Variants in NCAM2 observed in about 807,000 individuals in gnomAD.
The protein encoded by NCAM2 is N-CAM-2.
In NCAM2, 30 loss-of-function variants were observed where a neutral mutation model predicts 98.1. The ratio of observed to expected loss-of-function variants is 0.31; its 90% CI spans 0.23 to 0.41. The LOEUF (loss-of-function observed/expected upper bound fraction) is 0.41. Ranked by LOEUF, NCAM2 falls within the 10% of genes least tolerant of loss-of-function variation. NCAM2 has a pLI of 1.00. For synonymous variants in NCAM2, 368 were observed against 342.4 expected (o/e 1.07, Z -0.83); for missense variants, 867 against 1,005.8 (o/e 0.86, Z 1.87).
intron 11 of NCAM2, among the ~76,000 whole-genome samples, chr21:21,424,619 G>A (rs781142114): frequency 2.1e-4 from 32 of 152,106 alleles, no homozygotes; most frequent in Non-Finnish European, 3.2e-4. Context: ...CTGAAAGGAT[G>A]GGACTGTTAA....
chr21:21,466,871 C>A (rs928949266), intron 13 of NCAM2, 146 bp downstream of exon 13: 5 of 872,988 alleles, frequency 5.7e-6, no homozygotes, highest in Non-Finnish European at 8.5e-6. Flanking sequence ...ACAGTGACAT[C>A]TGAGATTTAT....
At chr21:21,153,905 T>C (rs76453151) in intron 1 of NCAM2, among the ~76,000 whole-genome samples, 7,611 of 151,870 alleles carry the variant, frequency 0.05, 659 homozygotes, top group African/African-American at 0.17. Context: ...GACAGCCAAA[T>C]AAAGTGTGGG....
chr21:21,251,980 T>C lies in NCAM2; in HGVS notation c.56-28598T>C, dbSNP rs140065789. 3.7e-4 allele frequency among the ~76,000 whole-genome samples: 57 copies of C among 152,294 alleles called. No homozygotes were observed. The East Asian group carries it at 0.011, about 29-fold the overall frequency. ...TAATCATGAAGTCATTGCCTATGCC[T>C]ATGTCCTGAATAATATCACCTAGGT... On this transcript the variant is annotated intron_variant, in intron 1 of 17. Transcript: ENST00000400546.
chr21:21,028,495 T>C (rs993143655), intron 1 of NCAM2, among the ~76,000 whole-genome samples: 14 of 152,232 alleles, frequency 9.2e-5, no homozygotes, highest in African/African-American at 3.4e-4. Context: ...TTGGATCATA[T>C]GTGAGGTCAC....
chr21:21,382,182 T>G (rs1431534167), intron 9 of NCAM2, among the ~76,000 whole-genome samples: 1 of 152,150 alleles, frequency 6.6e-6, no homozygotes, highest in Non-Finnish European at 1.5e-5. Context: ...TTTCTTTGAA[T>G]TTTCTTATTT....
chr21:21,111,025 T>C (rs2066444163), intron 1 of NCAM2, among the ~76,000 whole-genome samples: 1 of 152,134 alleles, frequency 6.6e-6, no homozygotes, highest in Non-Finnish European at 1.5e-5. Context: ...AGTATATTTG[T>C]TGTGTACTAT....
intron 1 of NCAM2, among the ~76,000 whole-genome samples, chr21:21,034,065 A>G (rs909878035): frequency 6.6e-6 from 1 of 151,830 alleles, no homozygotes; most frequent in Non-Finnish European, 1.5e-5. Context: ...GGGGGGGGAA[A>G]CAAAGATTGA....
intron 1 of NCAM2, among the ~76,000 whole-genome samples, chr21:20,999,566 G>A (rs1182117047): frequency 1.3e-5 from 2 of 152,090 alleles, no homozygotes; most frequent in Non-Finnish European, 2.9e-5. Flanking sequence ...AACATGCATT[G>A]GTGAAAGTCT....
At chr21:21,052,150 A>ATTTTTTTTTTTTTTTTTTTTTTTTTTT (rs5842877) in intron 1 of NCAM2, among the ~76,000 whole-genome samples, 7 of 74,808 alleles carry the variant, frequency 9.4e-5, no homozygotes, top group African/African-American at 4.1e-4. Flanking sequence ...CATGATGGCC[A>ATTTTTTTTTTTTTTTTTTTTTTTTTTT]TTTTTTTTTT....
At chr21:21,296,893 G>A (rs924708084) in intron 5 of NCAM2, among the ~76,000 whole-genome samples, 2 of 151,646 alleles carry the variant, frequency 1.3e-5, no homozygotes, top group African/African-American at 2.4e-5. Flanking sequence ...ACAAAAATAA[G>A]TGTGCTGAAT....
Position 21,543,070 on chromosome 21 carries a change from C to T in NCAM2, c.*5113C>T, listed in dbSNP as rs985426018. 5.8e-4 allele frequency: 88 copies of T among 151,686 alleles called. 3 individuals are homozygous for T. The highest frequency in any genetic ancestry group is 5.6e-3 in the Admixed American group (85 of 15,160). 9.4% of individuals were successfully genotyped at this position (151,686 alleles called of 1,614,324 possible). A position where few individuals can be genotyped will look rare whatever the true frequency, so the allele number is the denominator to read the frequency against. ...ATGCTGTGCTCAGTATGTACTGAAA[C>T]ATACTATCTTTTATTTTCTTTAATT... On this transcript the variant is annotated 3_prime_UTR_variant, in exon 18 of 18. Coordinates refer to ENST00000400546, the MANE Select transcript of NCAM2 (RefSeq NM_004540.5).
At chr21:21,224,633 A>G (rs1187899192) in intron 1 of NCAM2, among the ~76,000 whole-genome samples, 1 of 152,140 alleles carries the variant, frequency 6.6e-6, no homozygotes, top group Admixed American at 6.6e-5. Context: ...TATAAAGAGA[A>G]TATTATCTAT....
At chr21:21,169,785 C>A (rs2068062456) in intron 1 of NCAM2, among the ~76,000 whole-genome samples, 2 of 151,778 alleles carry the variant, frequency 1.3e-5, no homozygotes, top group Non-Finnish European at 1.5e-5. Flanking sequence ...TCATTCTCTG[C>A]AAATAAAAAA....
chr21:21,381,855 A>C (rs1385758244), intron 9 of NCAM2, among the ~76,000 whole-genome samples: 1 of 152,052 alleles, frequency 6.6e-6, no homozygotes, highest in South Asian at 2.1e-4. Flanking sequence ...CATCTGAAGA[A>C]GTTTCTTCTC....
intron 1 of NCAM2, among the ~76,000 whole-genome samples, chr21:21,030,800 C>T (rs2064665961): frequency 6.6e-6 from 1 of 151,990 alleles, no homozygotes; most frequent in Non-Finnish European, 1.5e-5. Context: ...ATAGTAATAC[C>T]ATTTAAACAC....
chr21:21,280,488 G>A (rs927535148), intron 1 of NCAM2, 90 bp from the exon 2 acceptor site: 21 of 849,572 alleles, frequency 2.5e-5, no homozygotes, highest in African/African-American at 3.5e-5. Context: ...AATAATCAGC[G>A]TTTGGACCAT....
intron 10 of NCAM2, among the ~76,000 whole-genome samples, chr21:21,411,081 T>TATACAC (rs1555889883): frequency 2.5e-3 from 30 of 11,988 alleles, no homozygotes; most frequent in Admixed American, 6.4e-3. Context: ...CACACACATA[T>TATACAC]ATATATGTGT....
At chr21:21,112,130 T>C (rs986370112) in intron 1 of NCAM2, among the ~76,000 whole-genome samples, 6 of 152,194 alleles carry the variant, frequency 3.9e-5, no homozygotes, top group Non-Finnish European at 8.8e-5. Context: ...AAAAATACTG[T>C]GTTTTTAACA....
At chr21:21,042,877 T>C (rs888034488) in intron 1 of NCAM2, among the ~76,000 whole-genome samples, 1 of 152,340 alleles carries the variant, frequency 6.6e-6, no homozygotes, top group African/African-American at 2.4e-5. Flanking sequence ...CATATTACTG[T>C]ACTTTATCTG....
Sources: allele counts gnomAD v4.1 joint callset (sites outside exome capture counted in the v4.1 genomes callset), GRCh38; gene constraint gnomAD v4.1.1; transcripts MANE v1.5; gene names NCBI Gene and HGNC (gene_info 2026-07-23, HGNC 2026-07-21).